MDGA2: variants seen among roughly 807,000 people sequenced by gnomAD.
MDGA2 encodes MAM domain containing glycosylphosphatidylinositol anchor 2.
MDGA2 carries 40 observed loss-of-function variants against 117.8 expected under a neutral mutation model. That is an observed-to-expected ratio of 0.34 (90% CI 0.26 to 0.44). The LOEUF is 0.44. Ranked by LOEUF, MDGA2 falls within the 20% of genes least tolerant of loss-of-function variation. The pLI, the probability that MDGA2 is intolerant of heterozygous loss-of-function variation, is 1.00. For missense variants in MDGA2, 1,123 were observed against 1,250.6 expected (o/e 0.90, Z 1.54); for synonymous variants, 452 against 439.0 (o/e 1.03, Z -0.37).
chr14:47,342,285 AT>A (rs1167934972), intron 1 of MDGA2, among the ~76,000 whole-genome samples: 40 of 140,314 alleles, frequency 2.9e-4, no homozygotes, highest in African/African-American at 6.3e-4. Flanking sequence ...TATATATAAA[AT>A]ATGTTATATA....
At chr14:47,358,917 C>T (rs887943457) in intron 1 of MDGA2, among the ~76,000 whole-genome samples, 1 of 152,136 alleles carries the variant, frequency 6.6e-6, no homozygotes, top group Non-Finnish European at 1.5e-5. Context: ...AGTGCAATCT[C>T]TATAAAAATT....
chr14:47,154,864 C>T (rs1207489276), intron 3 of MDGA2, among the ~76,000 whole-genome samples: 3 of 152,168 alleles, frequency 2.0e-5, no homozygotes, highest in African/African-American at 7.2e-5. Flanking sequence ...ACCTTCAAAC[C>T]ATGGACTCTG....
intron 1 of MDGA2, among the ~76,000 whole-genome samples, chr14:47,317,246 A>G (rs1275525676): frequency 6.6e-6 from 1 of 152,136 alleles, no homozygotes; most frequent in African/African-American, 2.4e-5. Flanking sequence ...ATAGCTGTAC[A>G]GGTACTCAAA....
At chr14:46,954,446 G>A (rs1004533293) in intron 9 of MDGA2, among the ~76,000 whole-genome samples, 2 of 152,034 alleles carry the variant, frequency 1.3e-5, no homozygotes, top group Admixed American at 6.6e-5. Context: ...CTTCTCACAA[G>A]TCTGAAGGCC....
intron 1 of MDGA2, among the ~76,000 whole-genome samples, chr14:47,604,314 TTTTTA>T (rs1045053694): frequency 9.9e-5 from 15 of 151,874 alleles, no homozygotes; most frequent in African/African-American, 2.7e-4. Context: ...TTTTCTTTAG[TTTTTA>T]TTTTTATTTT....
intron 2 of MDGA2, among the ~76,000 whole-genome samples, chr14:47,226,976 T>C (rs558296128): frequency 6.6e-6 from 1 of 152,236 alleles, no homozygotes; most frequent in South Asian, 2.1e-4. Flanking sequence ...GTCCTCCAGA[T>C]ATCATTTTTT....
At chr14:46,974,779 G>A (rs1886394181) in intron 8 of MDGA2, among the ~76,000 whole-genome samples, 1 of 151,986 alleles carries the variant, frequency 6.6e-6, no homozygotes, top group Admixed American at 6.6e-5. Context: ...GAAAACATGG[G>A]ACAAAAACTT....
Position 46,845,886 on chromosome 14 carries a change from G to GA in MDGA2, c.2884-16dup. ...TCAAAAATGAGCTACAAATATGAATGAAACAAACCTAAATGTGGAGCTTTG... is the reference window on the plus strand; with the variant it reads ...TCAAAAATGAGCTACAAATATGAATGAAAACAAACCTAAATGTGGAGCTTTG... On this transcript the variant is annotated splice_polypyrimidine_tract_variant and intron_variant, in intron 15 of 16. Transcript: ENST00000399232. 6.4e-7 allele frequency: 1 copy of GA among 1,566,926 alleles called. No individual in the cohort carries two copies. Among genetic ancestry groups the GA allele is most frequent in the South Asian group, 1.1e-5 (1 of 89,648 alleles).
intron 1 of MDGA2, among the ~76,000 whole-genome samples, chr14:47,417,855 A>T (rs1892504765): frequency 6.6e-6 from 1 of 151,976 alleles, no homozygotes; most frequent in Non-Finnish European, 1.5e-5. Context: ...CTGGGACTAC[A>T]GGTGCACATT....
At chr14:47,105,886 T>C (rs1880636855) in intron 5 of MDGA2, among the ~76,000 whole-genome samples, 2 of 151,956 alleles carry the variant, frequency 1.3e-5, no homozygotes, top group Non-Finnish European at 2.9e-5. Flanking sequence ...TCCCAATTCT[T>C]TCTCAGCCTC....
In MDGA2 at chr14:46,841,951, T is replaced by C. The variant is rs777025242; in HGVS notation, c.3058A>G (p.Ile1020Val). ...WLFPIIVLIS[I>V]LSPRR ...TAAGGTCACCTTCGAGGACTTAAGATAGAGATGAGGACGATAATGGGAAAA... is the reference window on the plus strand; with the variant it reads ...TAAGGTCACCTTCGAGGACTTAAGACAGAGATGAGGACGATAATGGGAAAA... Residue 1020 changes from isoleucine (I) to valine (V), a missense_variant, in exon 17 of 17, where the codon ATC becomes GTC. Coordinates refer to ENST00000399232, the MANE Select transcript of MDGA2 (RefSeq NM_001113498.3). 9.9e-6 allele frequency: 16 copies of C among 1,611,794 alleles called. No individual in the cohort carries two copies. The highest frequency in any genetic ancestry group is 1.7e-5 in the Admixed American group (1 of 59,932).
intron 10 of MDGA2, among the ~76,000 whole-genome samples, chr14:46,888,422 A>C (rs969710915): frequency 1.3e-5 from 2 of 151,908 alleles, no homozygotes; most frequent in South Asian, 2.1e-4. Context: ...AATTTTAAAA[A>C]TCCATTTAAT....
At chr14:47,251,708 G>A (rs1483878712) in intron 2 of MDGA2, among the ~76,000 whole-genome samples, 1 of 151,870 alleles carries the variant, frequency 6.6e-6, no homozygotes, top group Non-Finnish European at 1.5e-5. Flanking sequence ...ACTCACACTT[G>A]GATAGATACC....
intron 1 of MDGA2, among the ~76,000 whole-genome samples, chr14:47,655,848 T>A (rs913116053): frequency 1.3e-5 from 2 of 152,192 alleles, no homozygotes; most frequent in South Asian, 4.1e-4. Context: ...GGAGGAGGTA[T>A]AGGTTCAACT....
chr14:47,032,169 G>T (rs1456605680), intron 8 of MDGA2, among the ~76,000 whole-genome samples: 2 of 152,030 alleles, frequency 1.3e-5, no homozygotes, highest in South Asian at 2.1e-4. Flanking sequence ...AATATATATA[G>T]AGAGGTATAC....
chr14:47,143,990 T>C, intron 4 of MDGA2, 88 bp downstream of exon 4: 5 of 999,544 alleles, frequency 5.0e-6, no homozygotes, highest in Non-Finnish European at 6.9e-6. Flanking sequence ...AGAGAAACTA[T>C]CTTTTCAAAT....
chr14:47,561,137 CTT>C (rs1288555947), intron 1 of MDGA2, among the ~76,000 whole-genome samples: 3 of 59,814 alleles, frequency 5.0e-5, no homozygotes, highest in Non-Finnish European at 1.2e-4. Flanking sequence ...ATACCTCTAT[CTT>C]TGTTTTTTTT....
chr14:47,593,521 A>G (rs878905048), intron 1 of MDGA2, among the ~76,000 whole-genome samples: 1 of 152,222 alleles, frequency 6.6e-6, no homozygotes, highest in Non-Finnish European at 1.5e-5. Flanking sequence ...AATGTGGTAC[A>G]TAGACACCAT....
chr14:47,395,856 T>C (rs1324620730), intron 1 of MDGA2, among the ~76,000 whole-genome samples: 1 of 152,194 alleles, frequency 6.6e-6, no homozygotes, highest in Non-Finnish European at 1.5e-5. Context: ...ACTCACAATG[T>C]TTAAATATGT....
Sources: allele counts gnomAD v4.1 joint callset (sites outside exome capture counted in the v4.1 genomes callset), GRCh38; gene constraint gnomAD v4.1.1; transcripts MANE v1.5; gene names NCBI Gene and HGNC (gene_info 2026-07-23, HGNC 2026-07-21).